Variants in POLR2B observed in about 807,000 individuals in gnomAD.
The protein encoded by POLR2B is DNA-directed RNA polymerase II subunit RPB2.
POLR2B carries 57 observed loss-of-function variants against 144.6 expected under a neutral mutation model. The observed-to-expected ratio is 0.39, with a 90% confidence interval of 0.32 to 0.49. The LOEUF is 0.49. POLR2B is among the 20% of genes least tolerant of loss of function. The pLI is 0.83. For missense variants in POLR2B, 595 were observed against 1,467.4 expected (o/e 0.41, Z 9.71); for synonymous variants, 442 against 469.8 (o/e 0.94, Z 0.77).
intron 9 of POLR2B, 98 bp downstream of exon 9, chr4:57,005,817 G>A (rs1382851838): frequency 1.8e-5 from 20 of 1,084,428 alleles, no homozygotes; most frequent in East Asian, 2.5e-5. Context: ...TGGCATCCAC[G>A]TTGGGTACTT....
chr4:56,987,555 T>C (rs1722371148), intron 2 of POLR2B, among the ~76,000 whole-genome samples: 1 of 152,234 alleles, frequency 6.6e-6, no homozygotes, highest in Non-Finnish European at 1.5e-5. Flanking sequence ...ATTCTGCCAG[T>C]TGTATTCAGA....
intron 7 of POLR2B, 116 bp from the exon 8 acceptor site, chr4:57,005,128 TCA>T (rs1407755054): frequency 1.9e-6 from 1 of 519,296 alleles, no homozygotes; most frequent in African/African-American, 2.0e-5. Flanking sequence ...CTAAAAATAC[TCA>T]CATATTTTAT....
Position 57,023,981 on chromosome 4 carries a change from C to T in POLR2B, c.2857-24C>T. 7.7e-7 allele frequency: 1 copy of T among 1,301,250 alleles called. No individual in the cohort carries two copies. The highest frequency in any genetic ancestry group is 1.1e-6 in the Non-Finnish European group (1 of 926,762). The allele number at this position is 1,301,250 out of a possible 1,614,324, so 80.6% of individuals were successfully genotyped here. A position where few individuals can be genotyped will look rare whatever the true frequency, so the allele number is the denominator to read the frequency against. The stretch of plus-strand genomic sequence containing the variant: ...TAGTTTAGTATATGTATCTTTGAGT[C>T]CCTTTTAAAATTTTTCTTTGTAGGA... On this transcript the variant is annotated intron_variant, in intron 20 of 24. Transcript: ENST00000314595. The surrounding 1 kb of genome is among the most constrained non-coding windows in gnomAD (Gnocchi z 4.3).
At chr4:57,027,974 T>A (rs1723778854) in intron 23 of POLR2B, among the ~76,000 whole-genome samples, 1 of 152,244 alleles carries the variant, frequency 6.6e-6, no homozygotes, top group Admixed American at 6.5e-5. Context: ...TGATTTTTGC[T>A]TGAAGCTCAC....
intron 24 of POLR2B, 126 bp downstream of exon 24, chr4:57,030,525 G>A (rs2109730237): frequency 1.5e-6 from 1 of 658,370 alleles, no homozygotes; most frequent in Non-Finnish European, 2.5e-6. Context: ...ATGCTTCTGT[G>A]AGATTCCGAG....
intron 13 of POLR2B, among the ~76,000 whole-genome samples, chr4:57,012,565 C>A (rs1408787288): frequency 6.6e-6 from 1 of 152,148 alleles, no homozygotes; most frequent in Non-Finnish European, 1.5e-5. Context: ...AGAAACTGAA[C>A]ACGCTTAGCC....
At chr4:57,021,281 A>C (rs1408588742) in intron 17 of POLR2B, among the ~76,000 whole-genome samples, 1 of 152,190 alleles carries the variant, frequency 6.6e-6, no homozygotes, top group Non-Finnish European at 1.5e-5. Context: ...AACTATTGTT[A>C]AAATTATAGT....
chr4:57,010,998 G>A lies in POLR2B; in HGVS notation c.1698G>A (p.Lys566=). ...ISPAAIADAT[K]IFVNGCWVGI... is the part of the protein sequence containing the mutation. ...TGCTTTTTCATTGTAGTGCAACCAA[G>A]ATTTTTGTTAATGGCTGCTGGGTTG... The change falls in exon 13 of 25, where the codon AAG becomes AAA. Residue 566 remains lysine (K), a synonymous_variant. Coordinates refer to ENST00000314595, the MANE Select transcript of POLR2B (RefSeq NM_000938.3). The A allele has an allele frequency of 4.3e-6, 7 of 1,613,840 alleles. No individual in the cohort carries two copies. The highest frequency in any genetic ancestry group is 5.9e-6 in the Non-Finnish European group (7 of 1,179,730).
rs547418752 is a variant in POLR2B, at chr4:57,010,266, T to C, written c.1405-95T>C. ...AGAGAAATGGGGAACAGTTTGATAC[T>C]CAGTAGATTATATGTAAAAATATGA... On this transcript the variant is annotated intron_variant, in intron 10 of 24. Transcript: ENST00000314595. 7.4e-6 allele frequency: 8 copies of C among 1,084,232 alleles called. No individual in the cohort carries two copies. In the South Asian group the frequency reaches 9.1e-5, roughly 12 times the overall value. 67.2% of individuals were successfully genotyped at this position (1,084,232 alleles called of 1,614,324 possible). A position where few individuals can be genotyped will look rare whatever the true frequency, so the allele number is the denominator to read the frequency against.
chr4:56,981,297 A>G (rs949731357), intron 1 of POLR2B, among the ~76,000 whole-genome samples: 5 of 149,458 alleles, frequency 3.3e-5, no homozygotes, highest in East Asian at 2.0e-4. Flanking sequence ...GTGTGGATGT[A>G]CCATAACTTA....
chr4:57,030,095 G>A, intron 23 of POLR2B, 109 bp from the exon 24 acceptor site: 1 of 853,392 alleles, frequency 1.2e-6, no homozygotes, highest in Non-Finnish European at 1.9e-6. Flanking sequence ...ATAAAAATTA[G>A]AGCCTAGTTA....
intron 13 of POLR2B, among the ~76,000 whole-genome samples, chr4:57,014,578 C>T (rs1315561872): frequency 6.8e-6 from 1 of 146,518 alleles, no homozygotes; most frequent in Non-Finnish European, 1.5e-5. Flanking sequence ...TCTAGGCTCA[C>T]TGCAAGCTCT....
chr4:57,014,526 G>A (rs1426968303), intron 13 of POLR2B, among the ~76,000 whole-genome samples: 17 of 79,066 alleles, frequency 2.2e-4, no homozygotes, highest in South Asian at 8.1e-4. Flanking sequence ...TTTTTGAGAC[G>A]GAGTCTTGCT....
rs1723169256 is a variant in POLR2B, at chr4:57,010,907, G to C, written c.1688+20G>C. 1 of 1,602,882 alleles carries C rather than the reference G, an allele frequency of 6.2e-7. No homozygotes were observed. Among genetic ancestry groups the C allele is most frequent in the East Asian group, 2.2e-5 (1 of 44,774 alleles). On this transcript the variant is annotated intron_variant, in intron 12 of 24. Coordinates refer to ENST00000314595, the MANE Select transcript of POLR2B (RefSeq NM_000938.3). ...TGCTGAGTGTGTATAGATGGAATTA[G>C]TTTTTTAAACTATAGTTAATCTTTA...
At chr4:57,007,456 T>G (rs1723059110) in intron 10 of POLR2B, among the ~76,000 whole-genome samples, 1 of 152,146 alleles carries the variant, frequency 6.6e-6, no homozygotes, top group Non-Finnish European at 1.5e-5. Flanking sequence ...TTTTGAATTA[T>G]GAACATGAAA....
At chr4:57,009,844 A>G (rs1723135912) in intron 10 of POLR2B, 1 of 152,224 alleles carries the variant, frequency 6.6e-6, no homozygotes. Context: ...ATATTGCCCT[A>G]AATATTATCT....
At chr4:56,984,860 A>T (rs1450520383) in intron 1 of POLR2B, among the ~76,000 whole-genome samples, 1 of 148,348 alleles carries the variant, frequency 6.7e-6, no homozygotes, top group Non-Finnish European at 1.5e-5. Flanking sequence ...GGACCAGTGC[A>T]CACTGATTTT....
intron 1 of POLR2B, chr4:56,985,232 A>AT: frequency 1.3e-6 from 1 of 791,436 alleles, no homozygotes; most frequent in African/African-American, 1.9e-5. Flanking sequence ...AAAAAATTTT[A>AT]TTTTATTTTT....
At chr4:56,992,843 T>C (rs1722564112) in intron 3 of POLR2B, among the ~76,000 whole-genome samples, 1 of 151,890 alleles carries the variant, frequency 6.6e-6, no homozygotes, top group Non-Finnish European at 1.5e-5. Flanking sequence ...ATTACAGGGC[T>C]TCTCTATTTT....
Sources: gnomAD v4.1 joint callset for allele counts (sites outside exome capture counted in the v4.1 genomes callset) on GRCh38, gnomAD v4.1.1 for gene constraint, Gnocchi (gnomAD v3.1) non-coding constraint, MANE v1.5 for transcripts, NCBI Gene and HGNC (gene_info 2026-07-23, HGNC 2026-07-21) for gene names.